KPNA6: variants seen among roughly 807,000 people sequenced by gnomAD.
The protein encoded by KPNA6 is karyopherin subunit alpha 6, also known as importin subunit alpha-7.
In KPNA6, 9 loss-of-function variants were observed where a neutral mutation model predicts 72.0. The ratio of observed to expected loss-of-function variants is 0.13; its 90% CI spans 0.08 to 0.22. The LOEUF (loss-of-function observed/expected upper bound fraction) is 0.22. Among genes scored for constraint, KPNA6 ranks in the 10% least tolerant of loss-of-function variants. The pLI, the probability that KPNA6 is intolerant of heterozygous loss-of-function variation, is 1.00. For missense variants in KPNA6, 374 were observed against 655.7 expected (o/e 0.57, Z 4.69); for synonymous variants, 219 against 242.1 (o/e 0.90, Z 0.89).
At chr1:32,164,715 C>T (rs768198212) in intron 10 of KPNA6, among the ~76,000 whole-genome samples, 7 of 136,420 alleles carry the variant, frequency 5.1e-5, no homozygotes, top group Middle Eastern at 3.9e-3. Context: ...GGACACATGT[C>T]TATTCAAGTC....
At chr1:32,111,483 A>G (rs1641243126) in intron 1 of KPNA6, among the ~76,000 whole-genome samples, 1 of 152,152 alleles carries the variant, frequency 6.6e-6, no homozygotes, top group Non-Finnish European at 1.5e-5. Flanking sequence ...CCCTCATCGT[A>G]GCTTGTCTTT....
chr1:32,114,909 C>T (rs562859048), intron 1 of KPNA6, among the ~76,000 whole-genome samples: 3 of 152,302 alleles, frequency 2.0e-5, no homozygotes, highest in South Asian at 2.1e-4. Context: ...GGCACGATCT[C>T]GCCTCACTGC....
At chr1:32,166,062 C>T in intron 10 of KPNA6, 43 bp from the exon 11 acceptor site, 1 of 1,529,658 alleles carries the variant, frequency 6.5e-7, no homozygotes, top group Non-Finnish European at 8.8e-7. Flanking sequence ...AAATTAAAAA[C>T]AGTTTAATTT....
chr1:32,132,079 T>C (rs1641648679), intron 1 of KPNA6, among the ~76,000 whole-genome samples: 1 of 152,042 alleles, frequency 6.6e-6, no homozygotes, highest in African/African-American at 2.4e-5. Flanking sequence ...GAAGCAATTC[T>C]CCTGCCTCAG....
At chr1:32,135,919 C>G (rs889683386) in intron 1 of KPNA6, among the ~76,000 whole-genome samples, 3 of 151,892 alleles carry the variant, frequency 2.0e-5, no homozygotes, top group Admixed American at 1.3e-4. Flanking sequence ...CTCAATAAAC[C>G]TATTACCAAA....
chr1:32,167,077 TGTCTAA>T, intron 11 of KPNA6, 86 bp from the exon 12 acceptor site: 1 of 1,466,006 alleles, frequency 6.8e-7, no homozygotes, highest in Non-Finnish European at 9.3e-7. Context: ...ATGGGGAAGA[TGTCTAA>T]GTCTCAGCTG....
chr1:32,141,723 T>C (rs928070326), intron 1 of KPNA6, among the ~76,000 whole-genome samples: 2 of 152,058 alleles, frequency 1.3e-5, no homozygotes, highest in Non-Finnish European at 2.9e-5. Context: ...ACCTTTCTTA[T>C]TACAGGCGTG....
Position 32,159,385 on chromosome 1 carries a change from T to G in KPNA6, c.427-15T>G, listed in dbSNP as rs1380444730. 2 of 1,613,562 alleles carry G rather than the reference T, an allele frequency of 1.2e-6. No individual in the cohort carries two copies. The highest frequency in any genetic ancestry group is 2.2e-5 in the East Asian group (1 of 44,858). On this transcript the variant is annotated splice_polypyrimidine_tract_variant and intron_variant, in intron 5 of 13. Transcript: ENST00000373625. ...CTGAAATGACCTTTCAATCATTGCT[T>G]AATCTCACTTTCAGTTTGAAGCTGC...
intron 1 of KPNA6, among the ~76,000 whole-genome samples, chr1:32,119,012 A>ATTT (rs1641378790): frequency 1.5e-5 from 1 of 65,276 alleles, no homozygotes. Flanking sequence ...ATATATATAT[A>ATTT]TATATATATA....
At chr1:32,142,860 C>A in intron 1 of KPNA6, 1 of 974,470 alleles carries the variant, frequency 1.0e-6, no homozygotes, top group South Asian at 1.6e-5. Context: ...CCCTTGTCTG[C>A]TTCCCCAGTG....
At chr1:32,126,137 C>T (rs896885961) in intron 1 of KPNA6, among the ~76,000 whole-genome samples, 3 of 151,946 alleles carry the variant, frequency 2.0e-5, no homozygotes, top group African/African-American at 7.3e-5. Context: ...CCTCCTGCCT[C>T]GGCCTCCTAA....
In KPNA6 at chr1:32,175,871, G is replaced by T. The variant is rs1049486162; in HGVS notation, c.*4977G>T. ...CTAGCACTTTGGGAGGCTGAGGCGG[G>T]CAGATCACTTGAGGTTAGGGGTTCA... On this transcript the variant is annotated 3_prime_UTR_variant, in exon 14 of 14. Transcript: ENST00000373625. 5.3e-5 allele frequency: 8 copies of T among 151,876 alleles called. No individual in the cohort carries two copies. The highest frequency in any genetic ancestry group is 1.9e-4 in the African/African-American group (8 of 41,292). 9.4% of individuals were successfully genotyped at this position (151,876 alleles called of 1,614,324 possible). A position where few individuals can be genotyped will look rare whatever the true frequency, so the allele number is the denominator to read the frequency against.
At chr1:32,140,308 C>T (rs1222181557) in intron 1 of KPNA6, among the ~76,000 whole-genome samples, 3 of 151,834 alleles carry the variant, frequency 2.0e-5, no homozygotes, top group African/African-American at 7.3e-5. Flanking sequence ...TGCTTGAACC[C>T]AGGAGGCAGA....
intron 1 of KPNA6, among the ~76,000 whole-genome samples, chr1:32,114,166 G>T (rs969423466): frequency 6.6e-6 from 1 of 151,990 alleles, no homozygotes; most frequent in African/African-American, 2.4e-5. Flanking sequence ...TTAGGCCGGC[G>T]CAATGGCTCA....
chr1:32,124,925 A>T (rs983753618), intron 1 of KPNA6, among the ~76,000 whole-genome samples: 3 of 151,512 alleles, frequency 2.0e-5, no homozygotes, highest in African/African-American at 7.3e-5. Flanking sequence ...GCTCACTGCA[A>T]CCTCCACCTC....
chr1:32,163,149 C>T, intron 9 of KPNA6, 86 bp from the exon 10 acceptor site: 1 of 839,808 alleles, frequency 1.2e-6, no homozygotes. Context: ...GTTCCTTAAG[C>T]TTCTCCAGGC....
In KPNA6 at chr1:32,154,865, T is replaced by C. The variant is rs577386940; in HGVS notation, c.138+144T>C. On this transcript the variant is annotated intron_variant, in intron 2 of 13. Coordinates refer to ENST00000373625, the MANE Select transcript of KPNA6 (RefSeq NM_012316.5). ...GCTCATGTCTGTAATCCCAGCACTTTGGGAGGCCAAGGCAGGCAGATCACC... is the reference window on the plus strand; with the variant it reads ...GCTCATGTCTGTAATCCCAGCACTTCGGGAGGCCAAGGCAGGCAGATCACC... The C allele has an allele frequency of 5.1e-6, 4 of 792,042 alleles. No homozygotes were observed. In the Admixed American group the frequency reaches 8.2e-5, roughly 16 times the overall value. 49.1% of individuals were successfully genotyped at this position (792,042 alleles called of 1,614,324 possible).
intron 1 of KPNA6, among the ~76,000 whole-genome samples, chr1:32,115,226 C>T (rs1207322464): frequency 2.6e-5 from 4 of 151,878 alleles, no homozygotes; most frequent in Non-Finnish European, 4.4e-5. Flanking sequence ...AGCTCGGCCT[C>T]CCGGGTTCAC....
intron 10 of KPNA6, among the ~76,000 whole-genome samples, chr1:32,163,570 A>G (rs1447369145): frequency 2.6e-5 from 4 of 152,240 alleles, no homozygotes; most frequent in Non-Finnish European, 1.5e-5. Flanking sequence ...ACTAAGTGGA[A>G]TAACTGGACT....
Sources: gnomAD v4.1 joint callset for allele counts (sites outside exome capture counted in the v4.1 genomes callset) on GRCh38, gnomAD v4.1.1 for gene constraint, MANE v1.5 for transcripts, NCBI Gene and HGNC (gene_info 2026-07-23, HGNC 2026-07-21) for gene names.